SERAC1: variants seen among roughly 807,000 people sequenced by gnomAD.
The protein encoded by SERAC1 is protein SERAC1.
A neutral mutation model predicts 85.7 loss-of-function variants in SERAC1; 36 were observed. That is an observed-to-expected ratio of 0.42 (90% confidence interval 0.32 to 0.55). SERAC1 has a LOEUF of 0.55. Ranked by LOEUF, SERAC1 falls within the 20% of genes least tolerant of loss-of-function variation. SERAC1 has a pLI of 0.11. For missense variants in SERAC1, 629 were observed against 796.2 expected, an observed-to-expected ratio of 0.79 and a Z score of 2.53; for synonymous variants, 242 against 265.3, an observed-to-expected ratio of 0.91 and a Z score of 0.85.
chr6:158,141,224 G>A (rs1374994334), intron 8 of SERAC1, among the ~76,000 whole-genome samples: 2 of 152,166 alleles, frequency 1.3e-5, no homozygotes, highest in Admixed American at 6.5e-5. Context: ...CCATTCATAC[G>A]AAATGTCCAG....
At position 158,144,342 on chromosome 6, in the gene SERAC1, A is replaced by G. The variant is rs576602246; in HGVS notation, c.566T>C (p.Leu189Pro). 6.2e-7 allele frequency: 1 copy of G among 1,613,498 alleles called. No homozygotes were observed. Among genetic ancestry groups the G allele is most frequent in the Admixed American group, 1.7e-5 (1 of 60,002 alleles). Residue 189 changes from leucine to proline, a missense_variant, in exon 7 of 17, where the codon CTT becomes CCT. Physicochemically the swap from Leu to Pro is moderately conservative, Grantham distance 98 (BLOSUM62 -3). Transcript: ENST00000647468. The part of the protein sequence containing the change: ...IGLARSEESD[L>P]RFFLLPPPLP... Reference sequence around the variant, plus strand: ...AGGAGGTGGTAGGAGAAAAAAGCGAAGATCACTCTCTTCGCTTCGTGCCAA... The same window carrying G: ...AGGAGGTGGTAGGAGAAAAAAGCGAGGATCACTCTCTTCGCTTCGTGCCAA...
At chr6:158,127,363 G>C (rs1784567100) in intron 10 of SERAC1, among the ~76,000 whole-genome samples, 1 of 42,982 alleles carries the variant, frequency 2.3e-5, no homozygotes. Context: ...CCCCGTCCGG[G>C]AGGGAGGTGG....
intron 1 of SERAC1, among the ~76,000 whole-genome samples, chr6:158,167,105 A>G (rs1356338411): frequency 6.6e-6 from 1 of 151,696 alleles, no homozygotes; most frequent in African/African-American, 2.4e-5. Flanking sequence ...CAATTTTTTT[A>G]TTTTAAAGAG....
At chr6:158,137,650 G>A (rs996455937) in intron 8 of SERAC1, among the ~76,000 whole-genome samples, 2 of 152,000 alleles carry the variant, frequency 1.3e-5, no homozygotes, top group African/African-American at 4.8e-5. Flanking sequence ...CTGAGGCAGG[G>A]TGGACCTCTT....
At chr6:158,144,552 A>T (rs1785007220) in intron 6 of SERAC1, 132 bp from the exon 7 acceptor site, 1 of 754,662 alleles carries the variant, frequency 1.3e-6, no homozygotes, top group East Asian at 2.8e-5. Context: ...AAAATTTCCC[A>T]AGTGCAACTA....
At chr6:158,128,346 G>A in intron 9 of SERAC1, 76 bp from the exon 10 acceptor site, 1 of 1,423,902 alleles carries the variant, frequency 7.0e-7, no homozygotes, top group Non-Finnish European at 9.7e-7. Context: ...CCTGGTCATG[G>A]GGACAGCTAG....
In SERAC1 at chr6:158,110,740, A is replaced by G. The variant is rs1298610250; in HGVS notation, c.*626T>C. 6.6e-6 allele frequency: 1 copy of G among 152,234 alleles called. No homozygotes were observed. The highest frequency in any genetic ancestry group is 2.4e-5 in the African/African-American group (1 of 41,462). The allele number at this position is 152,234 out of a possible 1,614,324, so 9.4% of individuals were successfully genotyped here. A position where few individuals can be genotyped will look rare whatever the true frequency, so the allele number is the denominator to read the frequency against. ...GCTACAGTCTGAAAAGAATTATTAT[A>G]AGCTAGAATTTTTCTAAGAAAAAGA... On this transcript the variant is annotated 3_prime_UTR_variant, in exon 17 of 17. Transcript: ENST00000647468.
In SERAC1 at chr6:158,117,726, C is replaced by G. The variant is rs1131690799; in HGVS notation, c.1403+1G>C. 9 of 1,613,940 alleles carry G rather than the reference C, an allele frequency of 5.6e-6. No homozygotes were observed. The South Asian group carries it at 9.9e-5, about 18-fold the overall frequency. ...TCCTGGTCTAAAGTCGCCTCTGTTA[C>G]CTTTCCATAGGGCACCTTGCTCTCC... is the stretch of plus-strand genomic sequence containing the variant. On this transcript the variant is annotated splice_donor_variant, in intron 13 of 16. Coordinates refer to ENST00000647468, the MANE Select transcript of SERAC1 (RefSeq NM_032861.4). LOFTEE classifies it high-confidence loss of function. The surrounding 1 kb of genome is among the most constrained non-coding windows in gnomAD (Gnocchi z 4.3).
chr6:158,144,384 G>C lies in SERAC1; in HGVS notation c.524C>G (p.Pro175Arg). ...QYRIIAQACDPKTLIGLARSE... is the reference protein window; with the variant it reads ...QYRIIAQACDRKTLIGLARSE... ...TCGTGCCAAACCAATAAGAGTTTTC[G>C]GATCACAGGCTTGAGCAATTATCCT... Residue 175 changes from proline to arginine, a missense_variant, in exon 7 of 17, where the codon CCG becomes CGG. By Grantham distance (103) the Pro-to-Arg change is moderately radical. Coordinates refer to ENST00000647468, the MANE Select transcript of SERAC1 (RefSeq NM_032861.4). 6.2e-7 allele frequency: 1 copy of C among 1,612,808 alleles called. No individual in the cohort carries two copies. The highest frequency in any genetic ancestry group is 1.7e-5 in the Admixed American group (1 of 59,958).
chr6:158,131,734 T>A (rs12525661), intron 8 of SERAC1, among the ~76,000 whole-genome samples: 24,137 of 151,996 alleles, frequency 0.16, 2,328 homozygotes, highest in Middle Eastern at 0.29. Flanking sequence ...TAATTGATCC[T>A]ACAGAGATGC....
chr6:158,116,362 C>CT, intron 13 of SERAC1, 80 bp from the exon 14 acceptor site: 2 of 1,074,954 alleles, frequency 1.9e-6, no homozygotes. Flanking sequence ...GAGTTAAGAA[C>CT]TTTAGTCTAC....
intron 1 of SERAC1, among the ~76,000 whole-genome samples, chr6:158,163,006 G>C (rs1370889951): frequency 6.6e-6 from 1 of 152,102 alleles, no homozygotes; most frequent in Non-Finnish European, 1.5e-5. Flanking sequence ...CTGTCTTTTT[G>C]CTCTTGAGAA....
At chr6:158,166,801 C>T (rs768276201) in intron 1 of SERAC1, among the ~76,000 whole-genome samples, 3 of 152,072 alleles carry the variant, frequency 2.0e-5, no homozygotes, top group East Asian at 1.9e-4. Flanking sequence ...TACTGGTATA[C>T]AGAAGTTTTT....
intron 10 of SERAC1, among the ~76,000 whole-genome samples, chr6:158,123,998 T>C (rs1423497911): frequency 6.6e-6 from 1 of 152,146 alleles, no homozygotes; most frequent in African/African-American, 2.4e-5. Flanking sequence ...ATGTATGACT[T>C]AGGAGTAGAG....
chr6:158,120,351 A>ATAAG lies in SERAC1; in HGVS notation c.1166+70_1166+73dup. The ATAAG allele has an allele frequency of 7.0e-7, 1 of 1,429,122 alleles. No homozygotes were observed. Among genetic ancestry groups the ATAAG allele is most frequent in the African/African-American group, 1.4e-5 (1 of 69,860 alleles). The allele number at this position is 1,429,122 out of a possible 1,614,324, so 88.5% of individuals were successfully genotyped here. On this transcript the variant is annotated intron_variant, in intron 11 of 16. Transcript: ENST00000647468. The surrounding 1 kb of genome is among the most constrained non-coding windows in gnomAD (Gnocchi z 4.4). ...TTTAACTTATCTGAATTATGCAGAA[A>ATAAG]TAAGTTAAAAATTTGAGGCCTCTAG... is the stretch of plus-strand genomic sequence containing the variant.
Position 158,119,655 on chromosome 6 carries a change from T to G in SERAC1, c.1167-485A>C, listed in dbSNP as rs529588078. ...CATTCACTCATTGCATATGACGCAT[T>G]AAAAACTGTAGATAGTATGTTAGTT... On this transcript the variant is annotated intron_variant, in intron 11 of 16. Coordinates refer to ENST00000647468, the MANE Select transcript of SERAC1 (RefSeq NM_032861.4). The surrounding 1 kb of genome is among the most constrained non-coding windows in gnomAD (Gnocchi z 4.5). Among the ~76,000 whole-genome samples the G allele has an allele frequency of 3.3e-5, 5 of 152,054 alleles. No homozygotes were observed. Among genetic ancestry groups the G allele is most frequent in the African/African-American group, 1.2e-4 (5 of 41,562 alleles).
At chr6:158,151,833 CAA>C in intron 3 of SERAC1, among the ~76,000 whole-genome samples, 1 of 150,618 alleles carries the variant, frequency 6.6e-6, no homozygotes, top group South Asian at 2.1e-4. Context: ...AGTGTAATTA[CAA>C]AAGTCAAAAA....
intron 1 of SERAC1, chr6:158,162,193 CAT>C (rs1157038688): frequency 6.6e-6 from 1 of 152,186 alleles, no homozygotes; most frequent in East Asian, 1.9e-4. Context: ...AAACACTAGA[CAT>C]ATGATAATGG....
rs1435041023 is a variant in SERAC1 at position 158,148,909 on chromosome 6, T to G, written c.311A>C (p.Lys104Thr). Residue 104 changes from lysine (K) to threonine (T), a missense_variant, in exon 5 of 17, where the codon AAA becomes ACA. Lys to Thr is a moderately conservative substitution (Grantham distance 78). Transcript: ENST00000647468. ...TATCTTGGCTGATGTTGCCAATACT[T>G]TTCTTACTGCTTTGTGAAGTTCTTT... ...ARKELHKAVR[K>T]VLATSAKILR... The G allele has an allele frequency of 6.2e-7, 1 of 1,612,944 alleles. No individual in the cohort carries two copies. The highest frequency in any genetic ancestry group is 1.7e-5 in the Admixed American group (1 of 59,882).
Sources: gnomAD v4.1 joint callset for allele counts (sites outside exome capture counted in the v4.1 genomes callset) on GRCh38, gnomAD v4.1.1 for gene constraint, Gnocchi (gnomAD v3.1) non-coding constraint, MANE v1.5 for transcripts, NCBI Gene and HGNC (gene_info 2026-07-23, HGNC 2026-07-21) for gene names.